DCC: variants seen among roughly 807,000 people sequenced by gnomAD.
DCC encodes the protein DCC netrin 1 receptor, also known as netrin receptor DCC.
Under a neutral mutation model 172.5 loss-of-function variants are expected in DCC, and 58 were observed. The observed-to-expected ratio is 0.34, with a 90% CI of 0.27 to 0.42. DCC has a LOEUF of 0.42. Ranked by LOEUF, DCC falls within the 10% of genes least tolerant of loss-of-function variation. DCC has a pLI of 1.00. For synonymous variants in DCC, 709 were observed against 644.5 expected, an observed-to-expected ratio of 1.10 and a Z score of -1.52; for missense variants, 1,740 against 1,791.0, an observed-to-expected ratio of 0.97 and a Z score of 0.51.
intron 1 of DCC, among the ~76,000 whole-genome samples, chr18:52,559,734 A>T (rs1213348669): frequency 6.6e-6 from 1 of 151,752 alleles, no homozygotes; most frequent in African/African-American, 2.4e-5. Flanking sequence ...CCCAAATTTG[A>T]TTTATTTCCC....
chr18:52,690,178 A>G (rs536590068), intron 1 of DCC, among the ~76,000 whole-genome samples: 1 of 152,282 alleles, frequency 6.6e-6, no homozygotes, highest in East Asian at 1.9e-4. Flanking sequence ...ACTGTGAGCT[A>G]ACACACGTTT....
chr18:52,707,559 C>A (rs1006314436), intron 1 of DCC, among the ~76,000 whole-genome samples: 1 of 152,196 alleles, frequency 6.6e-6, no homozygotes, highest in Non-Finnish European at 1.5e-5. Flanking sequence ...GAGGTATCTG[C>A]AGTTCCATGT....
chr18:52,488,557 G>A (rs942909022), intron 1 of DCC, among the ~76,000 whole-genome samples: 3 of 152,070 alleles, frequency 2.0e-5, no homozygotes, highest in Admixed American at 2.0e-4. Flanking sequence ...AGATCTGACC[G>A]CTGCTTTGTC....
At chr18:52,928,131 A>T (rs572151208) in intron 5 of DCC, among the ~76,000 whole-genome samples, 1 of 152,154 alleles carries the variant, frequency 6.6e-6, no homozygotes, top group South Asian at 2.1e-4. Flanking sequence ...GGATGGAGCC[A>T]TTATCTTAAG....
chr18:53,348,356 C>G (rs145870412), intron 15 of DCC, among the ~76,000 whole-genome samples: 43 of 152,322 alleles, frequency 2.8e-4, no homozygotes, highest in Non-Finnish European at 5.1e-4. Flanking sequence ...CCAGGTCACA[C>G]TGATGCAAGA....
At chr18:52,938,192 G>T (rs2145516600) in intron 5 of DCC, among the ~76,000 whole-genome samples, 1 of 152,152 alleles carries the variant, frequency 6.6e-6, no homozygotes, top group African/African-American at 2.4e-5. Flanking sequence ...TAATATTTTA[G>T]AAAAACTCAA....
intron 1 of DCC, among the ~76,000 whole-genome samples, chr18:52,663,583 A>T (rs539787503): frequency 3.3e-5 from 5 of 152,230 alleles, no homozygotes; most frequent in African/African-American, 1.2e-4. Context: ...AAAAATTTTT[A>T]TAAGAAAGGA....
At position 52,702,524 on chromosome 18, in the gene DCC, C is replaced by T. The variant is rs191120596; in HGVS notation, c.92-49530C>T. On this transcript the variant is annotated intron_variant, in intron 1 of 28. Coordinates refer to ENST00000442544, the MANE Select transcript of DCC (RefSeq NM_005215.4). ...TTTCTTGACATGATCAGTAACAGCA[C>T]GCTTTTTCATTTGCAAATGTGTAAT... Among the ~76,000 whole-genome samples, 61 of 152,244 alleles carry T rather than the reference C, an allele frequency of 4.0e-4. No individual in the cohort carries two copies. In the East Asian group the frequency reaches 5.8e-3, roughly 14 times the overall value.
At chr18:53,342,268 A>G (rs2057667578) in intron 15 of DCC, among the ~76,000 whole-genome samples, 1 of 152,016 alleles carries the variant, frequency 6.6e-6, no homozygotes. Flanking sequence ...TTAAAAGCAA[A>G]CAAACAACTT....
At chr18:52,529,261 T>C (rs569235120) in intron 1 of DCC, among the ~76,000 whole-genome samples, 3 of 152,298 alleles carry the variant, frequency 2.0e-5, no homozygotes, top group Admixed American at 2.0e-4. Flanking sequence ...TGCTCCGACA[T>C]TTTAAGCAGC....
At chr18:53,029,403 A>G (rs749944461) in intron 5 of DCC, among the ~76,000 whole-genome samples, 1 of 152,184 alleles carries the variant, frequency 6.6e-6, no homozygotes, top group Non-Finnish European at 1.5e-5. Flanking sequence ...TTATTTGCCT[A>G]TCATATGTAA....
chr18:53,510,513 G>GTGTT (rs2046237804), intron 27 of DCC, among the ~76,000 whole-genome samples: 1 of 152,170 alleles, frequency 6.6e-6, no homozygotes, highest in Non-Finnish European at 1.5e-5. Context: ...AAAAGAGTAT[G>GTGTT]TGTTTGAGGA....
chr18:52,948,675 G>T (rs1021420735), intron 5 of DCC, among the ~76,000 whole-genome samples: 2 of 152,106 alleles, frequency 1.3e-5, no homozygotes, highest in African/African-American at 4.8e-5. Flanking sequence ...CCCCTGCTTT[G>T]CCATTCAGCC....
intron 1 of DCC, among the ~76,000 whole-genome samples, chr18:52,730,369 C>T (rs1483820467): frequency 1.3e-5 from 2 of 152,232 alleles, no homozygotes; most frequent in East Asian, 1.9e-4. Context: ...CATTGAGAAA[C>T]CATGGCCTAG....
At chr18:52,593,337 C>T (rs905608885) in intron 1 of DCC, among the ~76,000 whole-genome samples, 5 of 152,218 alleles carry the variant, frequency 3.3e-5, no homozygotes, top group South Asian at 2.1e-4. Flanking sequence ...CCTCCCACTA[C>T]GTAAAACTCC....
intron 1 of DCC, among the ~76,000 whole-genome samples, chr18:52,488,430 A>G (rs1005451702): frequency 1.1e-4 from 17 of 152,236 alleles, no homozygotes; most frequent in African/African-American, 4.1e-4. Context: ...ATAGGATAGG[A>G]TAGATCTGAG....
intron 1 of DCC, among the ~76,000 whole-genome samples, chr18:52,472,142 G>T (rs139610558): frequency 6.6e-6 from 1 of 152,176 alleles, no homozygotes; most frequent in Non-Finnish European, 1.5e-5. Context: ...TGGATTTTGA[G>T]CAAGGTGTGA....
chr18:52,494,692 G>T (rs1568196935), intron 1 of DCC, among the ~76,000 whole-genome samples: 1 of 151,944 alleles, frequency 6.6e-6, no homozygotes, highest in African/African-American at 2.4e-5. Context: ...CCAGTTCTAT[G>T]ATGAAATTAT....
chr18:53,530,913 G>A lies in DCC; in HGVS notation c.*260G>A. The A allele has an allele frequency of 3.5e-6, 2 of 571,648 alleles. No individual in the cohort carries two copies. Among genetic ancestry groups the A allele is most frequent in the South Asian group, 1.9e-5 (1 of 51,492 alleles). 35.4% of individuals were successfully genotyped at this position (571,648 alleles called of 1,614,324 possible). On this transcript the variant is annotated 3_prime_UTR_variant, in exon 29 of 29. Transcript: ENST00000442544. ...TTTTCACTGCAATGTCAAAGTTTAAGCTGCTAGAATAGTCATGGGCCTTTG... is the reference window on the plus strand; with the variant it reads ...TTTTCACTGCAATGTCAAAGTTTAAACTGCTAGAATAGTCATGGGCCTTTG...
Sources: allele counts gnomAD v4.1 joint callset (sites outside exome capture counted in the v4.1 genomes callset), GRCh38; gene constraint gnomAD v4.1.1; transcripts MANE v1.5; gene names NCBI Gene and HGNC (gene_info 2026-07-23, HGNC 2026-07-21).